Variants in SGCG observed in about 807,000 individuals in gnomAD.
The protein encoded by SGCG is sarcoglycan gamma.
A neutral mutation model predicts 29.3 loss-of-function variants in SGCG; 26 were observed. That is an observed-to-expected ratio of 0.89 (90% CI 0.65 to 1.23). The LOEUF is 1.23. Among genes scored for constraint, SGCG ranks in the 50% most tolerant of loss-of-function variants. The pLI, the probability that SGCG is intolerant of heterozygous loss-of-function variation, is 0.00. For missense variants in SGCG, 353 were observed against 356.0 expected (o/e 0.99, Z 0.07); for synonymous variants, 145 against 129.7 (o/e 1.12, Z -0.80).
chr13:23,256,724 C>T (rs1394746055), intron 4 of SGCG, among the ~76,000 whole-genome samples: 1 of 152,198 alleles, frequency 6.6e-6, no homozygotes, highest in African/African-American at 2.4e-5. Flanking sequence ...TTTTTTATGG[C>T]TGCATAGTAT....
At chr13:23,292,455 G>A (rs919631063) in intron 5 of SGCG, among the ~76,000 whole-genome samples, 22 of 152,226 alleles carry the variant, frequency 1.4e-4, no homozygotes, top group African/African-American at 5.3e-4. Flanking sequence ...TTTGTTCTTT[G>A]GAGATATGCC....
chr13:23,275,753 A>C, intron 4 of SGCG, among the ~76,000 whole-genome samples: 1 of 152,230 alleles, frequency 6.6e-6, no homozygotes, highest in Admixed American at 6.5e-5. Context: ...TTGCCACAAA[A>C]GTAGTAGAGC....
At chr13:23,161,532 T>C in the SGCG span, among the ~76,000 whole-genome samples, 1 of 152,262 alleles carries the variant, frequency 6.6e-6, no homozygotes, top group Non-Finnish European at 1.5e-5. Context: ...CAATGTAATA[T>C]GGGTCTTCCC....
At chr13:23,173,875 A>T in the SGCG span, among the ~76,000 whole-genome samples, 1 of 152,216 alleles carries the variant, frequency 6.6e-6, no homozygotes. Context: ...ACCTTTAAAC[A>T]GTAATATATC....
chr13:23,276,888 G>A (rs2137613261), intron 4 of SGCG, among the ~76,000 whole-genome samples: 1 of 152,324 alleles, frequency 6.6e-6, no homozygotes, highest in Middle Eastern at 3.4e-3. Context: ...AGGCTTACAT[G>A]CTTTTCTTTT....
At chr13:23,234,444 A>G (rs546565167) in intron 2 of SGCG, among the ~76,000 whole-genome samples, 167 bp from the exon 3 acceptor site, 2 of 151,440 alleles carry the variant, frequency 1.3e-5, no homozygotes, top group East Asian at 3.9e-4. Flanking sequence ...AGATTTAATG[A>G]CATTGAATAT....
chr13:23,192,431 T>C (rs1460348217), intron 1 of SGCG, among the ~76,000 whole-genome samples: 1 of 151,942 alleles, frequency 6.6e-6, no homozygotes, highest in Non-Finnish European at 1.5e-5. Context: ...CTCACTCTTG[T>C]TGCTCAGGCT....
At chr13:23,175,901 C>T in the SGCG span, among the ~76,000 whole-genome samples, 3 of 151,968 alleles carry the variant, frequency 2.0e-5, no homozygotes, top group African/African-American at 7.2e-5. Context: ...TGAGAATCAT[C>T]CAAGTAATTA....
intron 1 of SGCG, among the ~76,000 whole-genome samples, chr13:23,191,986 TAACAC>T (rs1877279185): frequency 6.6e-6 from 1 of 151,858 alleles, no homozygotes; most frequent in Admixed American, 6.6e-5. Context: ...CCATCCTGGC[TAACAC>T]GGCGAAACCC....
intron 2 of SGCG, among the ~76,000 whole-genome samples, chr13:23,215,101 G>A (rs1878377205): frequency 6.6e-6 from 1 of 152,098 alleles, no homozygotes; most frequent in African/African-American, 2.4e-5. Context: ...TACAGCAATT[G>A]GGAAATAAAG....
chr13:23,161,004 G>T, the SGCG span, among the ~76,000 whole-genome samples: 2 of 152,206 alleles, frequency 1.3e-5, no homozygotes, highest in African/African-American at 4.8e-5. Flanking sequence ...AGAGTGAATT[G>T]GTTCTCTGCA....
chr13:23,315,970 C>T (rs1388258100), intron 6 of SGCG, among the ~76,000 whole-genome samples: 1 of 152,216 alleles, frequency 6.6e-6, no homozygotes, highest in Non-Finnish European at 1.5e-5. Context: ...TACTCAGTCT[C>T]TTTCCCCAGT....
At chr13:23,199,132 G>A (rs1196740754) in intron 1 of SGCG, among the ~76,000 whole-genome samples, 1 of 151,504 alleles carries the variant, frequency 6.6e-6, no homozygotes, top group Admixed American at 6.6e-5. Flanking sequence ...ATTAAATATA[G>A]CACCAACATA....
chr13:23,299,657 T>C (rs1173387695), intron 6 of SGCG, among the ~76,000 whole-genome samples: 1 of 151,202 alleles, frequency 6.6e-6, no homozygotes, highest in Admixed American at 6.6e-5. Context: ...TTTCACTGTG[T>C]TAGCCAGGAT....
chr13:23,284,585 A>G (rs1046496271), intron 5 of SGCG, among the ~76,000 whole-genome samples: 2 of 152,044 alleles, frequency 1.3e-5, no homozygotes, highest in South Asian at 4.2e-4. Flanking sequence ...GTTATTACTC[A>G]CCTTCTGAAG....
At chr13:23,278,816 G>GA (rs1039418921) in intron 4 of SGCG, among the ~76,000 whole-genome samples, 1 of 152,212 alleles carries the variant, frequency 6.6e-6, no homozygotes, top group Non-Finnish European at 1.5e-5. Flanking sequence ...TGTCTTAGGG[G>GA]AAGGGCAAAA....
At chr13:23,321,908 A>G (rs758911076) in intron 7 of SGCG, among the ~76,000 whole-genome samples, 19 of 48,560 alleles carry the variant, frequency 3.9e-4, no homozygotes, top group Non-Finnish European at 1.2e-3. Flanking sequence ...TGTTTGTTAG[A>G]AAAAAAAAAA....
intron 6 of SGCG, among the ~76,000 whole-genome samples, chr13:23,295,721 T>C (rs1566035805): frequency 6.6e-6 from 1 of 152,148 alleles, no homozygotes; most frequent in African/African-American, 2.4e-5. Context: ...TCCTCCTCCT[T>C]CTTCCTCTCC....
chr13:23,296,069 A>G (rs1379913405), intron 6 of SGCG, among the ~76,000 whole-genome samples: 2 of 152,246 alleles, frequency 1.3e-5, no homozygotes, highest in African/African-American at 4.8e-5. Context: ...CAGGTTTATG[A>G]TTCATATATT....
Sources: allele counts gnomAD v4.1 joint callset (sites outside exome capture counted in the v4.1 genomes callset), GRCh38; gene constraint gnomAD v4.1.1; transcripts MANE v1.5; gene names NCBI Gene and HGNC (gene_info 2026-07-23, HGNC 2026-07-21).